SLC35F3: variants seen among roughly 807,000 people sequenced by gnomAD.
SLC35F3 encodes the protein putative thiamine transporter SLC35F3.
SLC35F3 carries 25 observed loss-of-function variants against 49.9 expected under a neutral mutation model. The ratio of observed to expected loss-of-function variants is 0.50; its 90% CI spans 0.37 to 0.70. SLC35F3 has a LOEUF of 0.70. Ranked by LOEUF, SLC35F3 falls within the 30% of genes least tolerant of loss-of-function variation. The pLI is 0.00. For synonymous variants in SLC35F3, 275 were observed against 265.4 expected (o/e 1.04, Z -0.35); for missense variants, 525 against 639.8 (o/e 0.82, Z 1.94).
intron 3 of SLC35F3, chr1:234,261,999 G>A (rs1667913069): frequency 6.6e-6 from 1 of 152,192 alleles, no homozygotes; most frequent in African/African-American, 2.4e-5. Flanking sequence ...AGCCTCTAAG[G>A]CTCACCCCAG....
At chr1:234,065,743 A>G (rs1418513553) in intron 2 of SLC35F3, among the ~76,000 whole-genome samples, 1 of 152,246 alleles carries the variant, frequency 6.6e-6, no homozygotes, top group Non-Finnish European at 1.5e-5. Flanking sequence ...AACCACAGTA[A>G]TTTCTTGAAA....
chr1:233,941,182 T>A (rs1174785955), intron 2 of SLC35F3, among the ~76,000 whole-genome samples: 3 of 152,170 alleles, frequency 2.0e-5, no homozygotes, highest in African/African-American at 7.2e-5. Flanking sequence ...TTCCTCTCAT[T>A]TTTGTAACTA....
intron 2 of SLC35F3, among the ~76,000 whole-genome samples, chr1:234,058,328 A>ATTTTTCTTTTTTTTTTTTTT (rs1664486119): frequency 2.5e-5 from 1 of 39,792 alleles, no homozygotes; most frequent in African/African-American, 1.4e-4. Flanking sequence ...ATGTTCCTGA[A>ATTTTTCTTTTTTTTTTTTTT]TTTTTTTTTT....
At chr1:234,089,210 G>A (rs886188727) in intron 2 of SLC35F3, among the ~76,000 whole-genome samples, 1 of 152,174 alleles carries the variant, frequency 6.6e-6, no homozygotes, top group East Asian at 1.9e-4. Context: ...GTTGTGTAAT[G>A]TCTGATAATT....
chr1:234,039,142 C>T (rs1441969096), intron 2 of SLC35F3, among the ~76,000 whole-genome samples: 1 of 152,056 alleles, frequency 6.6e-6, no homozygotes, highest in Non-Finnish European at 1.5e-5. Flanking sequence ...AAGCTCTAAA[C>T]AGGATGAAAT....
intron 2 of SLC35F3, among the ~76,000 whole-genome samples, chr1:234,206,503 G>C (rs1293067906): frequency 7.4e-6 from 1 of 134,280 alleles, no homozygotes; most frequent in African/African-American, 2.7e-5. Context: ...TTTCCCGGGG[G>C]GGGGCTATTT....
Position 234,318,812 on chromosome 1 carries a change from T to C in SLC35F3, c.1016T>C (p.Ile339Thr). ...KFGEAALFLS[I>T]LGVFNILFIT... ...GGAGAAGCCGCCTTATTTTTGTCCA[T>C]CTTGGGTGTGTTTAACATCCTCTTC... Residue 339 changes from isoleucine (I) to threonine (T), a missense_variant, in exon 6 of 8, where the codon ATC becomes ACC. Ile to Thr is a moderately conservative substitution (Grantham distance 89). Coordinates refer to ENST00000366618, the MANE Select transcript of SLC35F3 (RefSeq NM_173508.4). 1.2e-6 allele frequency: 2 copies of C among 1,614,230 alleles called. No homozygotes were observed. Among genetic ancestry groups the C allele is most frequent in the Non-Finnish European group, 1.7e-6 (2 of 1,180,028 alleles).
At chr1:234,255,214 A>G (rs1488606921) in intron 3 of SLC35F3, among the ~76,000 whole-genome samples, 2 of 152,208 alleles carry the variant, frequency 1.3e-5, no homozygotes, top group South Asian at 2.1e-4. Context: ...AAGATACCTC[A>G]CCAAAGATGA....
chr1:233,958,386 A>C (rs1044038712), intron 2 of SLC35F3, among the ~76,000 whole-genome samples: 3 of 152,232 alleles, frequency 2.0e-5, no homozygotes, highest in African/African-American at 7.2e-5. Flanking sequence ...GGCTAGCAAG[A>C]GGTGTTGCTG....
chr1:233,976,656 A>T (rs34740860), intron 2 of SLC35F3, among the ~76,000 whole-genome samples: 1 of 151,832 alleles, frequency 6.6e-6, no homozygotes, highest in Non-Finnish European at 1.5e-5. Flanking sequence ...TGTCACCCAG[A>T]CTGGAGTGCA....
Position 234,323,280 on chromosome 1 carries a change from G to A in SLC35F3, c.*37G>A, listed in dbSNP as rs775593646. Reference sequence around the variant, plus strand: ...TAGAACTCGGTGGTAATGACTGGGAGGTCTATTCCTGCCGGGAGGAACCTC... The same window carrying A: ...TAGAACTCGGTGGTAATGACTGGGAAGTCTATTCCTGCCGGGAGGAACCTC... On this transcript the variant is annotated 3_prime_UTR_variant, in exon 8 of 8. Coordinates refer to ENST00000366618, the MANE Select transcript of SLC35F3 (RefSeq NM_173508.4). The surrounding 1 kb of genome is among the most constrained non-coding windows in gnomAD (Gnocchi z 4.5). The A allele has an allele frequency of 7.6e-6, 12 of 1,577,834 alleles. No homozygotes were observed. The highest frequency in any genetic ancestry group is 4.1e-5 in the African/African-American group (3 of 73,854).
chr1:234,235,060 T>C (rs1414793556), intron 3 of SLC35F3, among the ~76,000 whole-genome samples: 1 of 152,186 alleles, frequency 6.6e-6, no homozygotes, highest in African/African-American at 2.4e-5. Context: ...AGAAATCAAC[T>C]TGTGGCCCTA....
intron 2 of SLC35F3, among the ~76,000 whole-genome samples, chr1:233,936,518 TC>T (rs1662330514): frequency 1.9e-5 from 1 of 52,010 alleles, no homozygotes; most frequent in African/African-American, 4.5e-5. Flanking sequence ...CTTCTTGTTC[TC>T]CTCCTCCTCC....
chr1:234,129,166 A>G (rs1341134760), intron 2 of SLC35F3, among the ~76,000 whole-genome samples: 2 of 152,188 alleles, frequency 1.3e-5, no homozygotes, highest in East Asian at 1.9e-4. Flanking sequence ...TACACCTCCA[A>G]CAGGACTTAA....
In SLC35F3 at chr1:233,922,095, G is replaced by A. The variant is rs548841902; in HGVS notation, c.283+16337G>A. On this transcript the variant is annotated intron_variant, in intron 2 of 7. Coordinates refer to ENST00000366618, the MANE Select transcript of SLC35F3 (RefSeq NM_173508.4). ...CTTTGCTATTGTGAATAGTGCTGCA[G>A]TAAACATATGTGTGCATGTGTCTTT... Among the ~76,000 whole-genome samples the A allele has an allele frequency of 2.1e-3, 316 of 152,262 alleles. 3 individuals are homozygous for A. The highest frequency in any genetic ancestry group is 6.8e-3 in the African/African-American group (284 of 41,540).
chr1:234,210,785 A>G (rs978593733), intron 2 of SLC35F3, among the ~76,000 whole-genome samples: 1 of 152,280 alleles, frequency 6.6e-6, no homozygotes, highest in African/African-American at 2.4e-5. Context: ...ATGCAATAGA[A>G]AGGAAAATCC....
At chr1:234,130,374 C>G (rs1197323002) in intron 2 of SLC35F3, among the ~76,000 whole-genome samples, 1 of 151,940 alleles carries the variant, frequency 6.6e-6, no homozygotes, top group African/African-American at 2.4e-5. Flanking sequence ...GGTGCAGTGG[C>G]TCATGCCTGT....
intron 2 of SLC35F3, among the ~76,000 whole-genome samples, chr1:233,978,259 T>G (rs1663122510): frequency 6.6e-6 from 1 of 152,342 alleles, no homozygotes; most frequent in South Asian, 2.1e-4. Context: ...GCGCTGTTTT[T>G]GGCCACTATC....
At chr1:233,979,980 C>T (rs1359365696) in intron 2 of SLC35F3, among the ~76,000 whole-genome samples, 2 of 152,204 alleles carry the variant, frequency 1.3e-5, no homozygotes, top group African/African-American at 4.8e-5. Context: ...CACCCCTGCA[C>T]CTGATCTCCA....
Sources: gnomAD v4.1 joint callset for allele counts (sites outside exome capture counted in the v4.1 genomes callset) on GRCh38, gnomAD v4.1.1 for gene constraint, Gnocchi (gnomAD v3.1) non-coding constraint, MANE v1.5 for transcripts, NCBI Gene and HGNC (gene_info 2026-07-23, HGNC 2026-07-21) for gene names.